SAMD12: variants seen among roughly 807,000 people sequenced by gnomAD.
SAMD12 encodes the protein sterile alpha motif domain-containing protein 12.
SAMD12 carries 9 observed loss-of-function variants against 15.0 expected under a neutral mutation model. The ratio of observed to expected loss-of-function variants is 0.60; its 90% confidence interval spans 0.36 to 1.05. SAMD12 has a LOEUF of 1.05. Ranked by LOEUF, SAMD12 falls within the 50% of genes least tolerant of loss-of-function variation. The pLI is 0.01. For missense variants in SAMD12, 230 were observed against 234.2 expected (o/e 0.98, Z 0.12); for synonymous variants, 86 against 90.1 (o/e 0.96, Z 0.25).
intron 4 of SAMD12, among the ~76,000 whole-genome samples, chr8:118,340,020 C>T (rs998931857): frequency 2.0e-4 from 31 of 152,306 alleles, no homozygotes; most frequent in African/African-American, 6.5e-4. Flanking sequence ...TTTGTACCCT[C>T]GGTGACTAAC....
At chr8:118,140,680 C>A in the SAMD12 span, among the ~76,000 whole-genome samples, 150,230 of 152,332 alleles carry the variant, frequency 0.99, 74,177 homozygotes, top group Middle Eastern at 1. Flanking sequence ...ACTGGCACTC[C>A]ACAACTATTT....
intron 4 of SAMD12, among the ~76,000 whole-genome samples, chr8:118,311,653 A>G (rs1036697909): frequency 2.6e-5 from 4 of 152,232 alleles, no homozygotes; most frequent in Admixed American, 2.6e-4. Flanking sequence ...CCTTGGCCTT[A>G]TTAAGTCTCT....
At chr8:118,289,466 A>C (rs890651362) in intron 4 of SAMD12, among the ~76,000 whole-genome samples, 2 of 152,216 alleles carry the variant, frequency 1.3e-5, no homozygotes, top group Non-Finnish European at 2.9e-5. Flanking sequence ...ATGCAAGTTG[A>C]ATGATATGAA....
intron 4 of SAMD12, among the ~76,000 whole-genome samples, chr8:118,358,290 C>A (rs556374604): frequency 2.6e-5 from 4 of 152,282 alleles, no homozygotes; most frequent in African/African-American, 9.6e-5. Flanking sequence ...ACTATTACTC[C>A]CCAGTCTAAC....
intron 2 of SAMD12, among the ~76,000 whole-genome samples, chr8:118,479,639 C>A (rs1671400371): frequency 6.6e-6 from 1 of 152,134 alleles, no homozygotes; most frequent in South Asian, 2.1e-4. Context: ...AATCACTTTC[C>A]TCCAAAATTC....
chr8:118,511,778 T>C (rs772591737), intron 2 of SAMD12, among the ~76,000 whole-genome samples: 6 of 152,228 alleles, frequency 3.9e-5, no homozygotes, highest in Non-Finnish European at 2.9e-5. Flanking sequence ...CACAATGTGA[T>C]TGTAGTTAAA....
At chr8:118,548,420 CACA>C (rs1563576422) in intron 2 of SAMD12, among the ~76,000 whole-genome samples, 68 of 134,790 alleles carry the variant, frequency 5.0e-4, no homozygotes, top group African/African-American at 9.9e-4. Flanking sequence ...CACACACACA[CACA>C]CCCCATGTGA....
chr8:118,427,931 A>G (rs571896795), intron 3 of SAMD12, among the ~76,000 whole-genome samples: 2 of 152,340 alleles, frequency 1.3e-5, no homozygotes, highest in East Asian at 3.9e-4. Flanking sequence ...CGTCCGCAGC[A>G]ACACTGGGTA....
At chr8:118,161,688 C>T in the SAMD12 span, among the ~76,000 whole-genome samples, 2 of 140,586 alleles carry the variant, frequency 1.4e-5, no homozygotes, top group Non-Finnish European at 3.1e-5. Flanking sequence ...AGCCTCAAAA[C>T]TCAATATTAA....
chr8:118,503,504 C>T (rs1824842593), intron 2 of SAMD12, among the ~76,000 whole-genome samples: 1 of 152,138 alleles, frequency 6.6e-6, no homozygotes, highest in African/African-American at 2.4e-5. Flanking sequence ...CCCTTCTGAC[C>T]CTCTAGAAAA....
chr8:118,170,203 T>C, the SAMD12 span, among the ~76,000 whole-genome samples: 5 of 152,324 alleles, frequency 3.3e-5, 1 homozygote, highest in African/African-American at 4.8e-5. Context: ...GATTGTACAC[T>C]AAACTCAGAG....
chr8:118,335,798 G>A (rs770957549), intron 4 of SAMD12, among the ~76,000 whole-genome samples: 1 of 152,184 alleles, frequency 6.6e-6, no homozygotes. Flanking sequence ...CTAGAGTGCA[G>A]TGGCATGATC....
intron 3 of SAMD12, among the ~76,000 whole-genome samples, chr8:118,395,691 G>A (rs1390103999): frequency 1.3e-5 from 2 of 152,110 alleles, no homozygotes; most frequent in African/African-American, 4.8e-5. Flanking sequence ...AGAAGCGGTG[G>A]CTCATGCCTG....
At chr8:118,549,286 G>A (rs1826243749) in intron 2 of SAMD12, among the ~76,000 whole-genome samples, 1 of 152,208 alleles carries the variant, frequency 6.6e-6, no homozygotes, top group African/African-American at 2.4e-5. Flanking sequence ...CCCCCAAGTA[G>A]GGGCAAACTG....
intron 3 of SAMD12, chr8:118,394,871 C>T (rs2130767342): frequency 6.6e-6 from 1 of 152,368 alleles, no homozygotes; most frequent in African/African-American, 2.4e-5. Context: ...AAGAAGATAA[C>T]TCCTGAAGAT....
intron 4 of SAMD12, among the ~76,000 whole-genome samples, chr8:118,226,082 T>G (rs1374503413): frequency 6.6e-6 from 1 of 152,196 alleles, no homozygotes; most frequent in Non-Finnish European, 1.5e-5. Flanking sequence ...TCAGGCACTG[T>G]CCGAAGTGCT....
In SAMD12 at chr8:118,510,993, G is replaced by T. The variant is rs568441138; in HGVS notation, c.192+69722C>A. On this transcript the variant is annotated intron_variant, in intron 2 of 3. Transcript: ENST00000314727. ...TAACAACACTGTTGTCATTTAAAAAGTAAACTGACTGTGACAGTCTGGGAT... is the reference window on the plus strand; with the variant it reads ...TAACAACACTGTTGTCATTTAAAAATTAAACTGACTGTGACAGTCTGGGAT... Among the ~76,000 whole-genome samples, 9 of 152,250 alleles carry T rather than the reference G, an allele frequency of 5.9e-5. No individual in the cohort carries two copies. The South Asian group carries it at 1.7e-3, about 28-fold the overall frequency.
chr8:118,532,035 G>T (rs2131122017), intron 2 of SAMD12, among the ~76,000 whole-genome samples: 1 of 152,282 alleles, frequency 6.6e-6, no homozygotes, highest in Non-Finnish European at 1.5e-5. Context: ...TCCAGTTTTT[G>T]CCCATTCAGT....
At chr8:118,543,631 C>CTTTTTTT (rs397978436) in intron 2 of SAMD12, among the ~76,000 whole-genome samples, 2 of 116,632 alleles carry the variant, frequency 1.7e-5, no homozygotes, top group African/African-American at 7.3e-5. Flanking sequence ...TTCTTTCTTT[C>CTTTTTTT]TTTTTTTTTT....
Sources: allele counts gnomAD v4.1 joint callset (sites outside exome capture counted in the v4.1 genomes callset), GRCh38; gene constraint gnomAD v4.1.1; transcripts MANE v1.5; gene names NCBI Gene and HGNC (gene_info 2026-07-23, HGNC 2026-07-21).